ARHGEF33: variants seen among roughly 807,000 people sequenced by gnomAD.
ARHGEF33 encodes Rho guanine nucleotide exchange factor 33, also known as DH and coiled-coil domain-containing protein ENSP00000381780.
Under a neutral mutation model 101.9 loss-of-function variants are expected in ARHGEF33, and 72 were observed. The observed-to-expected ratio is 0.71, with a 90% CI of 0.58 to 0.86. The LOEUF (loss-of-function observed/expected upper bound fraction) is 0.86, where lower values mean the gene tolerates loss of function less well. Ranked by LOEUF, ARHGEF33 falls within the 40% of genes least tolerant of loss-of-function variation. The pLI, the probability that ARHGEF33 is intolerant of heterozygous loss-of-function variation, is 0.00. For synonymous variants in ARHGEF33, 499 were observed against 442.5 expected (o/e 1.13, Z -1.60); for missense variants, 1,169 against 1,111.3 (o/e 1.05, Z -0.74).
At chr2:38,966,951 C>G (rs1390743356) in intron 17 of ARHGEF33, among the ~76,000 whole-genome samples, 1 of 152,180 alleles carries the variant, frequency 6.6e-6, no homozygotes, top group Admixed American at 6.5e-5. Flanking sequence ...CTACCTCCCT[C>G]TCCCTTAGAG....
chr2:38,951,071 C>T lies in ARHGEF33; in HGVS notation c.1003C>T (p.Pro335Ser). The change falls in exon 11 of 18, where the codon CCA becomes TCA. Residue 335 changes from proline to serine, a missense_variant. By Grantham distance (74) the Pro-to-Ser change is moderately conservative. Transcript: ENST00000409978. ...ACTGCAGGAAAGGGTCCTGAAGTGG[C>T]CACGCCAAGGCGTTCTTGGAGATTT... is the stretch of plus-strand genomic sequence containing the variant. ...HALQERVLKWPRQGVLGDLFL... is the reference protein window; with the variant it reads ...HALQERVLKWSRQGVLGDLFL... 6.4e-7 allele frequency: 1 copy of T among 1,551,890 alleles called. No homozygotes were observed.
intron 2 of ARHGEF33, among the ~76,000 whole-genome samples, chr2:38,903,669 T>G (rs1666300203): frequency 6.6e-6 from 1 of 152,180 alleles, no homozygotes; most frequent in Admixed American, 6.5e-5. Flanking sequence ...GAATCTAATA[T>G]ATATAACAAG....
At chr2:38,914,813 A>G (rs759531582) in intron 2 of ARHGEF33, among the ~76,000 whole-genome samples, 17 of 152,154 alleles carry the variant, frequency 1.1e-4, no homozygotes, top group African/African-American at 1.4e-4. Context: ...TATATTCTGT[A>G]TATGATTGTG....
rs1309558417 is a variant in ARHGEF33, at chr2:38,953,206, T to A, written c.1098T>A (p.Pro366=). The A allele has an allele frequency of 1.3e-6, 2 of 1,545,296 alleles. No individual in the cohort carries two copies. Among genetic ancestry groups the A allele is most frequent in the Non-Finnish European group, 1.8e-6 (2 of 1,140,816 alleles). Residue 366 remains proline (P), a synonymous_variant, in exon 12 of 18, where the codon CCT becomes CCA. Coordinates refer to ENST00000409978, the MANE Select transcript of ARHGEF33 (RefSeq NM_001145451.5). ...ATGTTGCCTACCTAAGGGACCTGCC[T>A]GAGTGCATCTCATTGGTTCATGTTG... The part of the protein sequence containing the change: ...DYYVAYLRDL[P]ECISLVHVVV...
chr2:38,972,691 TATCTA>T (rs780500135), intron 17 of ARHGEF33, among the ~76,000 whole-genome samples: 1 of 152,190 alleles, frequency 6.6e-6, no homozygotes, highest in African/African-American at 2.4e-5. Context: ...ATGATTAACT[TATCTA>T]ATAACAAGAG....
intron 10 of ARHGEF33, among the ~76,000 whole-genome samples, chr2:38,949,436 A>G (rs1384423418): frequency 6.6e-6 from 1 of 151,994 alleles, no homozygotes; most frequent in African/African-American, 2.4e-5. Flanking sequence ...GCCTCTAATC[A>G]CATCACTCTT....
intron 17 of ARHGEF33, among the ~76,000 whole-genome samples, chr2:38,966,690 T>C (rs572208634): frequency 3.1e-4 from 47 of 152,364 alleles, no homozygotes; most frequent in African/African-American, 1.1e-3. Flanking sequence ...GGAGTTTCTG[T>C]ATTCCATAGG....
intron 2 of ARHGEF33, among the ~76,000 whole-genome samples, chr2:38,904,772 A>G (rs1666351315): frequency 6.6e-6 from 1 of 152,046 alleles, no homozygotes; most frequent in Non-Finnish European, 1.5e-5. Flanking sequence ...TTTGAGCAGG[A>G]ACAAAAGATC....
rs148007658 is a variant in ARHGEF33 at position 38,898,413 on chromosome 2, C to T, written c.-86+2564C>T. Among the ~76,000 whole-genome samples, 449 of 152,308 alleles carry T rather than the reference C, an allele frequency of 2.9e-3. 4 individuals are homozygous for T. The highest frequency in any genetic ancestry group is 0.01 in the Middle Eastern group (3 of 294). ...TATCAGTCACTCAAGATGGATCGCT[C>T]ACTCCTGATTCAGCCACTGTCATGC... On this transcript the variant is annotated intron_variant, in intron 2 of 17. Coordinates refer to ENST00000409978, the MANE Select transcript of ARHGEF33 (RefSeq NM_001145451.5).
intron 16 of ARHGEF33, among the ~76,000 whole-genome samples, chr2:38,962,809 TC>T (rs1239430233): frequency 8.9e-6 from 1 of 112,084 alleles, no homozygotes. Flanking sequence ...GGTCAGGAGA[TC>T]AAGACCATCC....
At chr2:38,928,243 T>G (rs2124996994) in intron 4 of ARHGEF33, among the ~76,000 whole-genome samples, 1 of 152,342 alleles carries the variant, frequency 6.6e-6, no homozygotes, top group African/African-American at 2.4e-5. Flanking sequence ...TGACCAGGAC[T>G]GACTGCTGGA....
rs1460640698 is a variant in ARHGEF33, at chr2:38,929,626, T to C, written c.241-83T>C. 7.9e-6 allele frequency: 9 copies of C among 1,136,320 alleles called. No individual in the cohort carries two copies. The Admixed American group carries it at 2.4e-4, about 30-fold the overall frequency. 70.4% of individuals were successfully genotyped at this position (1,136,320 alleles called of 1,614,324 possible). On this transcript the variant is annotated intron_variant, in intron 5 of 17. Coordinates refer to ENST00000409978, the MANE Select transcript of ARHGEF33 (RefSeq NM_001145451.5). ...CATTCATTCATTCAATAAATATGTA[T>C]TAAAAGTGTACAGTGTGCTAGATTA...
rs1228772687 is a variant in ARHGEF33, at chr2:38,943,511, C to T, written c.791-390C>T. 2.0e-5 allele frequency among the ~76,000 whole-genome samples: 3 copies of T among 147,540 alleles called. No homozygotes were observed. The East Asian group carries it at 6.0e-4, about 30-fold the overall frequency. On this transcript the variant is annotated intron_variant, in intron 9 of 17. Coordinates refer to ENST00000409978, the MANE Select transcript of ARHGEF33 (RefSeq NM_001145451.5). ...CTCTAGTTTCATTTTTCTTGTTTGC[C>T]ATGGGGAGGAAGTGAGGAAGCCATC... is the stretch of plus-strand genomic sequence containing the variant.
chr2:38,950,713 G>A lies in ARHGEF33; in HGVS notation c.921-276G>A, dbSNP rs572652627. ...GATCCGCCCAACTCCCAAAGTGCTG[G>A]GATTACAGGTGTGGCATGCCAGGCC... On this transcript the variant is annotated intron_variant, in intron 10 of 17. Coordinates refer to ENST00000409978, the MANE Select transcript of ARHGEF33 (RefSeq NM_001145451.5). Among the ~76,000 whole-genome samples the A allele has an allele frequency of 1.8e-4, 28 of 152,264 alleles. 1 individual carries two copies. Among genetic ancestry groups the A allele is most frequent in the African/African-American group, 5.5e-4 (23 of 41,540 alleles).
At chr2:38,921,612 AT>A (rs891269452) in intron 4 of ARHGEF33, among the ~76,000 whole-genome samples, 189 bp downstream of exon 4, 1 of 151,504 alleles carries the variant, frequency 6.6e-6, no homozygotes, top group Non-Finnish European at 1.5e-5. Context: ...GAGAGAACTG[AT>A]TTTTTTTTGA....
chr2:38,921,035 G>A (rs967788396), intron 3 of ARHGEF33, among the ~76,000 whole-genome samples: 18 of 152,122 alleles, frequency 1.2e-4, no homozygotes, highest in African/African-American at 3.9e-4. Flanking sequence ...GTCAATTCCA[G>A]TTAGCCTCAA....
chr2:38,908,155 C>T (rs570790311), intron 2 of ARHGEF33, among the ~76,000 whole-genome samples: 16 of 152,266 alleles, frequency 1.1e-4, no homozygotes, highest in African/African-American at 2.4e-4. Flanking sequence ...CTTGAGCCAC[C>T]GTGCCTGGCC....
In ARHGEF33 at chr2:38,960,292, G is replaced by C; in HGVS notation, c.1987G>C (p.Ala663Pro). Residue 663 changes from alanine to proline, a missense_variant, in exon 16 of 18, where the codon GCC (alanine) becomes CCC (proline). By Grantham distance (27) the Ala-to-Pro change is conservative (BLOSUM62 -1). Transcript: ENST00000409978. ...DICFLRPVSF[A>P]MEAERPEHPL... ...CTGCTTCCTGCGGCCCGTCAGCTTC[G>C]CCATGGAGGCCGAGCGGCCGGAGCA... is the stretch of plus-strand genomic sequence containing the variant. 7.1e-6 allele frequency: 11 copies of C among 1,546,334 alleles called. No individual in the cohort carries two copies. The highest frequency in any genetic ancestry group is 9.6e-6 in the Non-Finnish European group (11 of 1,146,102).
At chr2:38,967,475 C>CAT (rs1444980716) in intron 17 of ARHGEF33, among the ~76,000 whole-genome samples, 1 of 152,214 alleles carries the variant, frequency 6.6e-6, no homozygotes, top group African/African-American at 2.4e-5. Context: ...TTTCTAGGAT[C>CAT]ATATAGACTT....
Sources: gnomAD v4.1 joint callset for allele counts (sites outside exome capture counted in the v4.1 genomes callset) on GRCh38, gnomAD v4.1.1 for gene constraint, MANE v1.5 for transcripts, NCBI Gene and HGNC (gene_info 2026-07-23, HGNC 2026-07-21) for gene names.